The following TMEFF2 variants were observed in gnomAD, a reference collection of about 807,000 sequenced individuals.
The protein encoded by TMEFF2 is transmembrane protein with EGF like and two follistatin like domains 2, also known as tomoregulin-2.
TMEFF2 carries 28 observed loss-of-function variants against 53.8 expected under a neutral mutation model. The ratio of observed to expected loss-of-function variants is 0.52; its 90% confidence interval spans 0.39 to 0.71. The LOEUF (loss-of-function observed/expected upper bound fraction) is 0.71, where lower values mean the gene tolerates loss of function less well. Among genes scored for constraint, TMEFF2 ranks in the 30% least tolerant of loss-of-function variants. The pLI is 0.00. For missense variants in TMEFF2, 353 were observed against 455.2 expected, an observed-to-expected ratio of 0.78 and a Z score of 2.04; for synonymous variants, 162 against 166.3, an observed-to-expected ratio of 0.97 and a Z score of 0.20.
intron 4 of TMEFF2, among the ~76,000 whole-genome samples, chr2:192,067,853 C>T (rs72916080): frequency 1.9e-4 from 29 of 151,928 alleles, no homozygotes; most frequent in Non-Finnish European, 2.2e-4. Flanking sequence ...TCTGTCACCA[C>T]GGTAGTAGTT....
At chr2:192,089,350 T>A (rs1344332926) in intron 4 of TMEFF2, among the ~76,000 whole-genome samples, 1 of 151,970 alleles carries the variant, frequency 6.6e-6, no homozygotes, top group African/African-American at 2.4e-5. Context: ...AGTCTTTTTT[T>A]CCCCCCAAAG....
chr2:192,089,968 TTTC>T (rs1189547383), intron 4 of TMEFF2, among the ~76,000 whole-genome samples: 2 of 152,082 alleles, frequency 1.3e-5, no homozygotes, highest in Non-Finnish European at 2.9e-5. Context: ...TCTCTTCTCT[TTTC>T]TTGAGAATTC....
chr2:192,015,308 CTTTTTTTTTTTTTT>C (rs34696715), intron 5 of TMEFF2, among the ~76,000 whole-genome samples: 2 of 76,272 alleles, frequency 2.6e-5, no homozygotes, highest in Non-Finnish European at 4.6e-5. Flanking sequence ...ATCACTGAAG[CTTTTTTTTTTTTTT>C]TTTTTTTTTT....
chr2:192,189,283 C>G (rs1447887938), intron 2 of TMEFF2, among the ~76,000 whole-genome samples: 1 of 151,972 alleles, frequency 6.6e-6, no homozygotes, highest in African/African-American at 2.4e-5. Context: ...GTGGCTCACA[C>G]CTGTAATCCT....
At position 191,950,122 on chromosome 2, in the gene TMEFF2, A is replaced by G; in HGVS notation, c.*189T>C. The G allele has an allele frequency of 7.4e-7, 1 of 1,343,560 alleles. No homozygotes were observed. Among genetic ancestry groups the G allele is most frequent in the Non-Finnish European group, 9.5e-7 (1 of 1,047,808 alleles). 83.2% of individuals were successfully genotyped at this position (1,343,560 alleles called of 1,614,324 possible). A position where few individuals can be genotyped will look rare whatever the true frequency, so the allele number is the denominator to read the frequency against. On this transcript the variant is annotated 3_prime_UTR_variant, in exon 10 of 10. Coordinates refer to ENST00000272771, the MANE Select transcript of TMEFF2 (RefSeq NM_016192.4). Reference sequence around the variant, plus strand: ...TATTTACATTACAGAAAAAACATCAAGACAATGTATACTATTTCAAATATA... The same window carrying G: ...TATTTACATTACAGAAAAAACATCAGGACAATGTATACTATTTCAAATATA...
At chr2:192,174,536 T>C (rs1223191032) in intron 4 of TMEFF2, among the ~76,000 whole-genome samples, 1 of 151,648 alleles carries the variant, frequency 6.6e-6, no homozygotes, top group Non-Finnish European at 1.5e-5. Context: ...AAAGAGAAAG[T>C]AAGATGGATT....
intron 4 of TMEFF2, among the ~76,000 whole-genome samples, chr2:192,076,227 T>TA (rs1402000907): frequency 2.0e-5 from 3 of 152,152 alleles, no homozygotes; most frequent in African/African-American, 7.2e-5. Flanking sequence ...TTTACTCAAA[T>TA]ATCTATTGCT....
intron 4 of TMEFF2, among the ~76,000 whole-genome samples, chr2:192,082,667 C>T (rs530105567): frequency 1.1e-4 from 17 of 152,194 alleles, no homozygotes; most frequent in African/African-American, 3.9e-4. Context: ...ACTGCTTTGC[C>T]TATTTACTTA....
At chr2:191,970,866 A>G (rs531288073) in intron 7 of TMEFF2, among the ~76,000 whole-genome samples, 4 of 152,302 alleles carry the variant, frequency 2.6e-5, no homozygotes, top group Non-Finnish European at 4.4e-5. Context: ...TTCCCAGCAT[A>G]AATTATTAAT....
At position 191,999,247 on chromosome 2, in the gene TMEFF2, G is replaced by A. The variant is rs1686298443; in HGVS notation, c.537-39C>T. The A allele has an allele frequency of 4.7e-6, 7 of 1,494,912 alleles. No individual in the cohort carries two copies. In the Middle Eastern group the frequency reaches 8.8e-4, roughly 188 times the overall value. 92.6% of individuals were successfully genotyped at this position (1,494,912 alleles called of 1,614,324 possible). ...GAAATAAAAACATGTAACATCAATA[G>A]TGTTGTTACCACATTATAAATAAAA... On this transcript the variant is annotated intron_variant, in intron 5 of 9. Coordinates refer to ENST00000272771, the MANE Select transcript of TMEFF2 (RefSeq NM_016192.4).
chr2:192,032,106 C>T (rs565573042), intron 5 of TMEFF2: 1 of 152,270 alleles, frequency 6.6e-6, no homozygotes, highest in African/African-American at 2.4e-5. Flanking sequence ...TGAAGGATCT[C>T]ATAAGATATA....
chr2:192,119,011 A>G (rs1220495765), intron 4 of TMEFF2, among the ~76,000 whole-genome samples: 1 of 152,194 alleles, frequency 6.6e-6, no homozygotes, highest in East Asian at 1.9e-4. Flanking sequence ...TATACCTTTA[A>G]TAAATACATA....
chr2:192,087,600 A>G (rs1688696222), intron 4 of TMEFF2, among the ~76,000 whole-genome samples: 1 of 152,192 alleles, frequency 6.6e-6, no homozygotes, highest in African/African-American at 2.4e-5. Context: ...AATTCACTCA[A>G]GCATGTTACC....
At chr2:192,145,075 T>C (rs1690216959) in intron 4 of TMEFF2, among the ~76,000 whole-genome samples, 1 of 151,928 alleles carries the variant, frequency 6.6e-6, no homozygotes, top group Non-Finnish European at 1.5e-5. Context: ...AACAAAATTT[T>C]CTAAGGATGT....
At chr2:191,960,024 G>A (rs1250605186) in intron 7 of TMEFF2, among the ~76,000 whole-genome samples, 1 of 152,114 alleles carries the variant, frequency 6.6e-6, no homozygotes, top group African/African-American at 2.4e-5. Flanking sequence ...CTATAGGCAT[G>A]TGGGACTAGC....
At chr2:192,079,079 A>C (rs549425360) in intron 4 of TMEFF2, among the ~76,000 whole-genome samples, 13 of 152,292 alleles carry the variant, frequency 8.5e-5, no homozygotes, top group South Asian at 2.1e-4. Context: ...AGCACCTTCA[A>C]CCGTTAAGGC....
intron 4 of TMEFF2, among the ~76,000 whole-genome samples, chr2:192,111,784 C>A (rs1689283261): frequency 1.3e-5 from 2 of 152,190 alleles, no homozygotes; most frequent in African/African-American, 4.8e-5. Flanking sequence ...CATGGCCCCC[C>A]TGCTATGTGC....
chr2:192,070,019 T>C (rs1688258001), intron 4 of TMEFF2, among the ~76,000 whole-genome samples: 1 of 22,340 alleles, frequency 4.5e-5, no homozygotes, highest in African/African-American at 1.2e-4. Context: ...TATATATATA[T>C]ATATATATAT....
chr2:192,149,675 T>C (rs1342633332), intron 4 of TMEFF2, among the ~76,000 whole-genome samples: 3 of 151,966 alleles, frequency 2.0e-5, no homozygotes, highest in Non-Finnish European at 4.4e-5. Context: ...TTAAAGCTTA[T>C]GGTAATGATA....
Sources: allele counts gnomAD v4.1 joint callset (sites outside exome capture counted in the v4.1 genomes callset), GRCh38; gene constraint gnomAD v4.1.1; transcripts MANE v1.5; gene names NCBI Gene and HGNC (gene_info 2026-07-23, HGNC 2026-07-21).